Variants in DUOX2 observed in about 807,000 individuals in gnomAD.
The protein encoded by DUOX2 is dual oxidase 2.
A neutral mutation model predicts 183.3 loss-of-function variants in DUOX2; 185 were observed. That is an observed-to-expected ratio of 1.01 (90% CI 0.90 to 1.14). DUOX2 has a LOEUF of 1.14. DUOX2 is among the 50% of genes most tolerant of loss of function. The pLI, the probability that DUOX2 is intolerant of heterozygous loss-of-function variation, is 0.00. For synonymous variants in DUOX2, 788 were observed against 812.4 expected (o/e 0.97, Z 0.51); for missense variants, 1,999 against 2,022.9 (o/e 0.99, Z 0.23).
At position 45,108,059 on chromosome 15, in the gene DUOX2, T is replaced by C. The variant is rs770190459; in HGVS notation, c.1562A>G (p.Asn521Ser). The C allele has an allele frequency of 2.5e-5, 41 of 1,613,746 alleles. No homozygotes were observed. The highest frequency in any genetic ancestry group is 3.3e-4 in the Middle Eastern group (2 of 6,082). Reference sequence around the variant, plus strand: ...AGGCAAGCCTTACCCATTCCTGGTGTTCTCAAACCAGTAGCGGTCACCATC... The same window carrying C: ...AGGCAAGCCTTACCCATTCCTGGTGCTCTCAAACCAGTAGCGGTCACCATC... ...LRDGDRYWFE[N>S]TRNGLFSKKE... The change falls in exon 13 of 34, where the codon AAC becomes AGC. Residue 521 changes from asparagine to serine, a missense_variant. Asn to Ser is a conservative substitution (Grantham distance 46). Coordinates refer to ENST00000389039, the MANE Select transcript of DUOX2 (RefSeq NM_001363711.2).
Position 45,105,670 on chromosome 15 carries a change from C to T in DUOX2, c.2307G>A (p.Glu769=), listed in dbSNP as rs778296590. 45 of 1,614,098 alleles carry T rather than the reference C, an allele frequency of 2.8e-5. 1 individual carries two copies. In the South Asian group the frequency reaches 4.7e-4, roughly 17 times the overall value. Residue 769 remains glutamate, a synonymous_variant, in exon 18 of 34, where the codon GAG becomes GAA. Transcript: ENST00000389039. ...GAGCAAAAAGGTGTCTGAAGAAGATCTCCAGGATGCGTTCCCGCTGCTGCT... is the reference window on the plus strand; with the variant it reads ...GAGCAAAAAGGTGTCTGAAGAAGATTTCCAGGATGCGTTCCCGCTGCTGCT... The part of the protein sequence containing the change: ...VTKQQRERIL[E]IFFRHLFAQV...
At chr15:45,103,894 A>C (rs1409872506) in intron 20 of DUOX2, 66 bp downstream of exon 20, 1 of 1,558,762 alleles carries the variant, frequency 6.4e-7, no homozygotes, top group Non-Finnish European at 8.8e-7. Flanking sequence ...CCCTCCTCTG[A>C]CTGGACCTGT....
chr15:45,103,592 T>G (rs145126564), intron 20 of DUOX2, among the ~76,000 whole-genome samples: 127 of 152,328 alleles, frequency 8.3e-4, no homozygotes, highest in African/African-American at 2.6e-3. Context: ...ATCCATTCAC[T>G]GTTTCACTGG....
At position 45,103,966 on chromosome 15, in the gene DUOX2, A is replaced by G; in HGVS notation, c.2648T>C (p.Met883Thr). ...AGAAAGGCACACCCCATACCGCATCATGGTGAAGAATTCGTCCTTGGAGAG... is the reference window on the plus strand; with the variant it reads ...AGAAAGGCACACCCCATACCGCATCGTGGTGAAGAATTCGTCCTTGGAGAG... ...GFLSKDEFFT[M>T]MRSFIEISNN... is the part of the protein sequence containing the mutation. The change falls in exon 20 of 34, where the codon ATG becomes ACG. Residue 883 changes from methionine to threonine, a missense_variant. Physicochemically the swap from Met to Thr is moderately conservative, Grantham distance 81 (BLOSUM62 -1). This residue lies in a region of DUOX2 where 1,628 missense variants were observed against 1,608.6 expected (regional missense o/e 1.01). Transcript: ENST00000389039. 1 of 1,614,174 alleles carries G rather than the reference A, an allele frequency of 6.2e-7. No individual in the cohort carries two copies. The highest frequency in any genetic ancestry group is 8.5e-7 in the Non-Finnish European group (1 of 1,180,026).
chr15:45,097,474 G>C (rs964983021), intron 28 of DUOX2, 83 bp from the exon 29 acceptor site: 4 of 1,612,792 alleles, frequency 2.5e-6, no homozygotes, highest in Non-Finnish European at 3.4e-6. Flanking sequence ...CTAGGCCTGT[G>C]CCGGGGAGAT....
At position 45,105,734 on chromosome 15, in the gene DUOX2, T is replaced by G. The variant is rs936657269; in HGVS notation, c.2243A>C (p.Glu748Ala). The change falls in exon 18 of 34, where the codon GAG becomes GCG. Residue 748 changes from glutamate to alanine, a missense_variant. Physicochemically the swap from Glu to Ala is moderately radical, Grantham distance 107 (BLOSUM62 -1). Around this residue, in one of 3 missense-constraint regions of DUOX2, gnomAD observed 1,628 missense variants for 1,608.6 expected, o/e 1.01. Coordinates refer to ENST00000389039, the MANE Select transcript of DUOX2 (RefSeq NM_001363711.2). Reference protein sequence around the residue: ...VRWALGLHVAEMSEKELFRKA... With the variant: ...VRWALGLHVAAMSEKELFRKA... ...CCTAAATAGCTCCTTCTCGCTCATC[T>G]CAGCCACATGGAGGCCCAGAGCCCA... is the stretch of plus-strand genomic sequence containing the variant. 3 of 1,614,104 alleles carry G rather than the reference T, an allele frequency of 1.9e-6. No individual in the cohort carries two copies. The highest frequency in any genetic ancestry group is 2.7e-5 in the African/African-American group (2 of 74,946).
intron 28 of DUOX2, 35 bp downstream of exon 28, chr15:45,097,579 C>A (rs772056237): frequency 1.2e-6 from 2 of 1,614,172 alleles, no homozygotes; most frequent in Admixed American, 3.3e-5. Context: ...TCCTGAGCTC[C>A]CTGCTCCATG....
chr15:45,108,731 G>T, intron 12 of DUOX2, 58 bp downstream of exon 12: 1 of 1,555,574 alleles, frequency 6.4e-7, no homozygotes, highest in Non-Finnish European at 8.9e-7. Context: ...TAAAGGGTTT[G>T]GAACAGTATT....
Position 45,111,667 on chromosome 15 carries a change from C to T in DUOX2, c.514-82G>A, listed in dbSNP as rs568375100. 14 of 1,445,854 alleles carry T rather than the reference C, an allele frequency of 9.7e-6. No individual in the cohort carries two copies. In the East Asian group the frequency reaches 3.2e-4, roughly 33 times the overall value. 89.6% of individuals were successfully genotyped at this position (1,445,854 alleles called of 1,614,324 possible). A position where few individuals can be genotyped will look rare whatever the true frequency, so the allele number is the denominator to read the frequency against. On this transcript the variant is annotated intron_variant, in intron 5 of 33. Coordinates refer to ENST00000389039, the MANE Select transcript of DUOX2 (RefSeq NM_001363711.2). ...GCCGGGGCCCGGCGGGTGTCCGCGG[C>T]TGGGGAGTGGGCGCCTCTCCCCTCC...
At chr15:45,094,328 T>C (rs1389644789) in intron 33 of DUOX2, 56 bp from the exon 34 acceptor site, 4 of 1,612,480 alleles carry the variant, frequency 2.5e-6, no homozygotes, top group Non-Finnish European at 3.4e-6. Context: ...CTCACTCTCC[T>C]TGGGAAAAGC....
chr15:45,113,886 C>T (rs1371689275), intron 1 of DUOX2, 87 bp downstream of exon 1: 2 of 205,558 alleles, frequency 9.7e-6, no homozygotes, highest in African/African-American at 4.6e-5. Context: ...CAATGAATCC[C>T]CCCTTCCCCA....
In DUOX2 at chr15:45,092,798, C is replaced by T. The variant is rs903025021; in HGVS notation, c.*1352G>A. 6.6e-5 allele frequency: 10 copies of T among 152,322 alleles called. No individual in the cohort carries two copies. In the East Asian group the frequency reaches 1.9e-3, roughly 29 times the overall value. 9.4% of individuals were successfully genotyped at this position (152,322 alleles called of 1,614,324 possible). On this transcript the variant is annotated 3_prime_UTR_variant, in exon 34 of 34. Transcript: ENST00000389039. The stretch of plus-strand genomic sequence containing the variant: ...AATGAAAAGGAACAAACTGCTGATA[C>T]ACACAACAGCATGGATGAATTACAA...
rs1894062540 is a variant in DUOX2, at chr15:45,100,857, G to A, written c.2922-19C>T. ...GTGGGAGCTGAGAAAAAGAAATGGG[G>A]CTGTTCTCCCCTTGTCTTTGCAGCC... On this transcript the variant is annotated intron_variant, in intron 22 of 33. Coordinates refer to ENST00000389039, the MANE Select transcript of DUOX2 (RefSeq NM_001363711.2). 3 of 1,556,868 alleles carry A rather than the reference G, an allele frequency of 1.9e-6. No homozygotes were observed. Among genetic ancestry groups the A allele is most frequent in the African/African-American group, 1.4e-5 (1 of 73,716 alleles).
chr15:45,109,455 T>A, intron 11 of DUOX2, 69 bp downstream of exon 11: 2 of 1,408,682 alleles, frequency 1.4e-6, no homozygotes, highest in Admixed American at 3.4e-5. Flanking sequence ...GGTCTGCTAT[T>A]GATGAACCCA....
Position 45,114,134 on chromosome 15 carries a change from C to T in DUOX2, c.-176G>A. On this transcript the variant is annotated 5_prime_UTR_variant, in exon 1 of 34. In the 5' UTR this introduces an upstream ATG that the reference lacks. Coordinates refer to ENST00000389039, the MANE Select transcript of DUOX2 (RefSeq NM_001363711.2). ...TCTCTCTGGGTCCTTGGTCTCGCCA[C>T]TGTGCAGGTGTCGGCTCAGGACAGA... The T allele has an allele frequency of 4.4e-6, 1 of 225,548 alleles. No individual in the cohort carries two copies. Among genetic ancestry groups the T allele is most frequent in the Non-Finnish European group, 8.9e-6 (1 of 112,146 alleles). The allele number at this position is 225,548 out of a possible 1,614,324, so 14.0% of individuals were successfully genotyped here. A position where few individuals can be genotyped will look rare whatever the true frequency, so the allele number is the denominator to read the frequency against.
Position 45,095,249 on chromosome 15 carries a change from C to T in DUOX2, c.4240-158G>A, listed in dbSNP as rs534369541. ...GATCCCAGGCTTCCAACTGACAGGT[C>T]CCAGCAGAGGCCCTTCTGGCTATAC... On this transcript the variant is annotated intron_variant, in intron 31 of 33. Coordinates refer to ENST00000389039, the MANE Select transcript of DUOX2 (RefSeq NM_001363711.2). Among the ~76,000 whole-genome samples the T allele has an allele frequency of 3.6e-3, 550 of 152,330 alleles. 2 individuals carry two copies. Among genetic ancestry groups the T allele is most frequent in the South Asian group, 0.013 (64 of 4,824 alleles).
At position 45,104,346 on chromosome 15, in the gene DUOX2, G is replaced by C. The variant is rs761484669; in HGVS notation, c.2354C>G (p.Ala785Gly). The C allele has an allele frequency of 5.6e-6, 9 of 1,613,642 alleles. No homozygotes were observed. Among genetic ancestry groups the C allele is most frequent in the Non-Finnish European group, 7.6e-6 (9 of 1,179,920 alleles). ...GTCCAGGGGCAGGGTCCCTGCGTCG[G>C]CCTGGTTGATGTCCAGCACCTGCAC... ...LFAQVLDINQ[A>G]DAGTLPLDSS... Residue 785 changes from alanine to glycine, a missense_variant, in exon 19 of 34, where the codon GCC (alanine) becomes GGC (glycine). Around this residue, in one of 3 missense-constraint regions of DUOX2, gnomAD observed 1,628 missense variants for 1,608.6 expected, o/e 1.01. Transcript: ENST00000389039.
At chr15:45,102,594 T>C (rs1388935697) in intron 20 of DUOX2, among the ~76,000 whole-genome samples, 3 of 152,090 alleles carry the variant, frequency 2.0e-5, no homozygotes, top group African/African-American at 7.3e-5. Context: ...TGCTGTGCCA[T>C]GCTGGGCCCA....
chr15:45,099,330 A>C, intron 26 of DUOX2, 53 bp downstream of exon 26: 1,113 of 1,539,140 alleles, frequency 7.2e-4, no homozygotes, highest in Non-Finnish European at 9.2e-4. Flanking sequence ...TTTTTCTATT[A>C]TACCCTTGGG....
Sources: gnomAD v4.1 joint callset for allele counts (sites outside exome capture counted in the v4.1 genomes callset) on GRCh38, gnomAD v4.1.1 for gene constraint, gnomAD v4.1.1 regional missense constraint, MANE v1.5 for transcripts, NCBI Gene and HGNC (gene_info 2026-07-23, HGNC 2026-07-21) for gene names.